PHF14: variants seen among roughly 807,000 people sequenced by gnomAD.
PHF14 encodes PHD finger protein 14.
PHF14 carries 55 observed loss-of-function variants against 117.9 expected under a neutral mutation model. The observed-to-expected ratio is 0.47, with a 90% CI of 0.38 to 0.58. The LOEUF (loss-of-function observed/expected upper bound fraction) is 0.58. Among genes scored for constraint, PHF14 ranks in the 20% least tolerant of loss-of-function variants. PHF14 has a pLI of 0.00. For missense variants in PHF14, 978 were observed against 1,122.2 expected (o/e 0.87, Z 1.84); for synonymous variants, 409 against 368.6 (o/e 1.11, Z -1.26).
chr7:10,988,515 C>G (rs1782322413), intron 3 of PHF14, among the ~76,000 whole-genome samples: 1 of 139,784 alleles, frequency 7.2e-6, no homozygotes, highest in Non-Finnish European at 1.5e-5. Context: ...TGATTGTTTG[C>G]TAAATTAGTT....
chr7:10,977,945 A>G (rs929270682), intron 2 of PHF14, among the ~76,000 whole-genome samples: 4 of 152,234 alleles, frequency 2.6e-5, no homozygotes, highest in African/African-American at 7.2e-5. Context: ...TGAATGTTTT[A>G]AAGAATGTTT....
At chr7:10,977,745 C>A (rs1003101493) in intron 2 of PHF14, among the ~76,000 whole-genome samples, 7 of 151,930 alleles carry the variant, frequency 4.6e-5, no homozygotes, top group African/African-American at 1.7e-4. Context: ...TGATAACCAC[C>A]AGAAGAACCA....
At chr7:11,169,244 A>G (rs1342650709) in intron 17 of PHF14, among the ~76,000 whole-genome samples, 172 bp from the exon 18 acceptor site, 2 of 152,194 alleles carry the variant, frequency 1.3e-5, no homozygotes, top group Non-Finnish European at 2.9e-5. Flanking sequence ...TGTGTTCTAT[A>G]AAACAGCACC....
At chr7:11,117,582 T>TAAATATGTATTTATATGTATAAGTAC (rs1787633970) in intron 17 of PHF14, among the ~76,000 whole-genome samples, 1 of 142,244 alleles carries the variant, frequency 7.0e-6, no homozygotes, top group East Asian at 2.1e-4. Context: ...ACGATATATA[T>TAAATATGTATTTATATGTATAAGTAC]AAATATGTAT....
intron 17 of PHF14, among the ~76,000 whole-genome samples, chr7:11,125,969 G>C (rs1053752223): frequency 2.6e-5 from 4 of 151,962 alleles, no homozygotes; most frequent in African/African-American, 9.7e-5. Context: ...TTTAAGAATC[G>C]CTTTGAAAAG....
intron 14 of PHF14, among the ~76,000 whole-genome samples, chr7:11,052,676 T>C (rs2128327040): frequency 6.6e-6 from 1 of 152,332 alleles, no homozygotes; most frequent in East Asian, 1.9e-4. Flanking sequence ...AATAGTATCT[T>C]GACATTTTAT....
chr7:11,096,037 T>G (rs1362972727), intron 16 of PHF14, among the ~76,000 whole-genome samples: 1 of 152,204 alleles, frequency 6.6e-6, no homozygotes, highest in Non-Finnish European at 1.5e-5. Flanking sequence ...AAGAGATTTG[T>G]GTCTTTGTCA....
At chr7:11,151,976 C>T (rs1788715092) in intron 17 of PHF14, among the ~76,000 whole-genome samples, 1 of 151,920 alleles carries the variant, frequency 6.6e-6, no homozygotes, top group South Asian at 2.1e-4. Context: ...AGAAGTATAC[C>T]ACAATAAATC....
intron 3 of PHF14, among the ~76,000 whole-genome samples, chr7:10,989,355 T>C (rs979002910): frequency 2.0e-5 from 3 of 151,986 alleles, no homozygotes; most frequent in African/African-American, 7.2e-5. Context: ...ATATAAAAAA[T>C]AATAAAACAT....
chr7:11,042,254 A>G (rs545559168), intron 12 of PHF14, among the ~76,000 whole-genome samples: 35 of 152,104 alleles, frequency 2.3e-4, no homozygotes, highest in Non-Finnish European at 4.6e-4. Context: ...TAGGAAATAA[A>G]CTACCTTCTG....
intron 17 of PHF14, among the ~76,000 whole-genome samples, chr7:11,114,322 TA>T (rs1356958481): frequency 2.6e-5 from 4 of 152,128 alleles, no homozygotes; most frequent in African/African-American, 9.6e-5. Context: ...GGGGAAACTC[TA>T]AAATATTGCT....
intron 16 of PHF14, among the ~76,000 whole-genome samples, chr7:11,088,988 A>G (rs919016348): frequency 5.8e-4 from 89 of 152,282 alleles, no homozygotes; most frequent in African/African-American, 2.1e-3. Flanking sequence ...TAGGAGTCTG[A>G]GTAAAGTAAA....
At chr7:11,044,617 G>A (rs1011412736) in intron 13 of PHF14, among the ~76,000 whole-genome samples, 1 of 152,032 alleles carries the variant, frequency 6.6e-6, no homozygotes, top group African/African-American at 2.4e-5. Context: ...CCTCAAATGT[G>A]GGAGGCAGTT....
intron 17 of PHF14, among the ~76,000 whole-genome samples, chr7:11,128,354 C>T (rs765418237): frequency 3.3e-5 from 5 of 151,932 alleles, no homozygotes; most frequent in African/African-American, 4.8e-5. Flanking sequence ...TATCTTTCTC[C>T]TCTCAGCCTT....
intron 16 of PHF14, among the ~76,000 whole-genome samples, chr7:11,087,830 GAAAT>G (rs1196390795): frequency 1.3e-5 from 2 of 152,070 alleles, no homozygotes; most frequent in African/African-American, 4.8e-5. Context: ...TATGCAATAA[GAAAT>G]AAATAATTTA....
chr7:11,112,702 C>T (rs977731166), intron 17 of PHF14, among the ~76,000 whole-genome samples: 3 of 151,236 alleles, frequency 2.0e-5, no homozygotes, highest in African/African-American at 7.3e-5. Flanking sequence ...ACCCGGGAGG[C>T]AGAGGTTGCA....
chr7:11,029,209 G>A (rs1372527272), intron 7 of PHF14, among the ~76,000 whole-genome samples: 1 of 152,096 alleles, frequency 6.6e-6, no homozygotes, highest in East Asian at 1.9e-4. Flanking sequence ...TGTGTCTTTA[G>A]TATCTCTGTT....
intron 17 of PHF14, among the ~76,000 whole-genome samples, chr7:11,148,067 C>A (rs774397477): frequency 3.9e-4 from 60 of 152,128 alleles, no homozygotes; most frequent in Non-Finnish European, 1.0e-4. Flanking sequence ...CAAAGCATAT[C>A]ATACTTCTTT....
intron 5 of PHF14, among the ~76,000 whole-genome samples, chr7:11,018,585 TG>T (rs1447750713): frequency 2.6e-5 from 4 of 152,244 alleles, no homozygotes; most frequent in African/African-American, 9.6e-5. Context: ...GATTTTTGTA[TG>T]TTGCTTTTGT....
Sources: gnomAD v4.1 joint callset for allele counts (sites outside exome capture counted in the v4.1 genomes callset) on GRCh38, gnomAD v4.1.1 for gene constraint, MANE v1.5 for transcripts, NCBI Gene and HGNC (gene_info 2026-07-23, HGNC 2026-07-21) for gene names.